CEP57L1: variants seen among roughly 807,000 people sequenced by gnomAD.
CEP57L1 encodes the protein centrosomal protein 57 like 1.
A neutral mutation model predicts 61.0 loss-of-function variants in CEP57L1; 37 were observed. The ratio of observed to expected loss-of-function variants is 0.61; its 90% CI spans 0.47 to 0.80. CEP57L1 has a LOEUF of 0.80. Ranked by LOEUF, CEP57L1 falls within the 30% of genes least tolerant of loss-of-function variation. CEP57L1 has a pLI of 0.00. For synonymous variants in CEP57L1, 137 were observed against 162.3 expected (o/e 0.84, Z 1.19); for missense variants, 422 against 524.7 (o/e 0.80, Z 1.91).
intron 1 of CEP57L1, among the ~76,000 whole-genome samples, chr6:109,131,966 T>C (rs1350557686): frequency 2.0e-5 from 3 of 152,182 alleles, no homozygotes; most frequent in African/African-American, 7.2e-5. Flanking sequence ...CCCCTGTGGA[T>C]AATTTAAGGA....
Position 109,158,774 on chromosome 6 carries a change from T to C in CEP57L1, c.745-251T>C. On this transcript the variant is annotated intron_variant, in intron 7 of 10. Transcript: ENST00000517392. The stretch of plus-strand genomic sequence containing the variant: ...CCAACATTTGTTATTGTCACTGTTT[T>C]TTATTTTGGCCATTCTGATAGATGT... 5.5e-6 allele frequency: 3 copies of C among 541,662 alleles called. No individual in the cohort carries two copies. In the South Asian group the frequency reaches 5.6e-5, roughly 10 times the overall value. 33.6% of individuals were successfully genotyped at this position (541,662 alleles called of 1,614,324 possible).
At position 109,155,827 on chromosome 6, in the gene CEP57L1, T is replaced by G; in HGVS notation, c.694T>G (p.Ser232Ala). The change falls in exon 7 of 11, where the codon TCT becomes GCT. Residue 232 changes from serine (S) to alanine (A), a missense_variant. Physicochemically the swap from Ser to Ala is moderately conservative, Grantham distance 99. Transcript: ENST00000517392. ...TGLEISKIIM[S>A]SVSNLKHSKE... ...ACTTGAAATCAGTAAAATTATAATG[T>G]CTTCAGTTTCAAATCTAAAGCACTC... is the stretch of plus-strand genomic sequence containing the variant. 1 of 1,585,212 alleles carries G rather than the reference T, an allele frequency of 6.3e-7. No individual in the cohort carries two copies. The highest frequency in any genetic ancestry group is 8.6e-7 in the Non-Finnish European group (1 of 1,158,870).
intron 1 of CEP57L1, among the ~76,000 whole-genome samples, chr6:109,099,828 G>A (rs1782163055): frequency 1.3e-5 from 2 of 152,270 alleles, no homozygotes; most frequent in South Asian, 2.1e-4. Context: ...GATTACAGGC[G>A]TGAGCCACCG....
chr6:109,154,545 G>T (rs1773017476), intron 5 of CEP57L1, among the ~76,000 whole-genome samples: 2 of 152,012 alleles, frequency 1.3e-5, no homozygotes, highest in South Asian at 4.1e-4. Flanking sequence ...TACAATACAG[G>T]TTGGGTGTCC....
chr6:109,158,780 T>G (rs1025640477), intron 7 of CEP57L1: 2 of 547,964 alleles, frequency 3.6e-6, no homozygotes, highest in African/African-American at 1.9e-5. Flanking sequence ...GTTTTTTATT[T>G]TGGCCATTCT....
Position 109,169,351 on chromosome 6 carries a change from A to G in CEP57L1, c.*6381A>G, listed in dbSNP as rs1774301521. 1.3e-5 allele frequency among the ~76,000 whole-genome samples: 2 copies of G among 152,188 alleles called. No individual in the cohort carries two copies. Among genetic ancestry groups the G allele is most frequent in the African/African-American group, 4.8e-5 (2 of 41,468 alleles). On this transcript the variant is annotated 3_prime_UTR_variant, in exon 11 of 11. Transcript: ENST00000517392. ...AGCCCTAAATGTTTTTTAGGGAAGAAAAAGTTGGCTTTTAATAAGTATTCA... is the reference window on the plus strand; with the variant it reads ...AGCCCTAAATGTTTTTTAGGGAAGAGAAAGTTGGCTTTTAATAAGTATTCA...
chr6:109,118,488 G>A (rs1772569739), intron 1 of CEP57L1, among the ~76,000 whole-genome samples: 1 of 152,178 alleles, frequency 6.6e-6, no homozygotes, highest in South Asian at 2.1e-4. Context: ...AAAGTAAGGG[G>A]CTTAATGGTG....
At chr6:109,158,154 C>T (rs1361981575) in intron 7 of CEP57L1, 5 of 153,042 alleles carry the variant, frequency 3.3e-5, no homozygotes, top group Admixed American at 6.5e-5. Context: ...TGTGGTATTC[C>T]GCATTATGGA....
At chr6:109,096,090 C>A (rs565516433) in intron 1 of CEP57L1, among the ~76,000 whole-genome samples, 5 of 152,198 alleles carry the variant, frequency 3.3e-5, no homozygotes, top group African/African-American at 1.2e-4. Context: ...AAAGCAAAAC[C>A]GTAAAAGTCT....
chr6:109,128,482 A>G (rs1773823806), intron 1 of CEP57L1, among the ~76,000 whole-genome samples: 1 of 152,064 alleles, frequency 6.6e-6, no homozygotes, highest in South Asian at 2.1e-4. Flanking sequence ...GTAACCTCTT[A>G]ATTTGTCCAT....
chr6:109,097,386 C>T lies in CEP57L1; in HGVS notation c.-4+1811C>T, dbSNP rs571492548. On this transcript the variant is annotated intron_variant, in intron 1 of 10. Coordinates refer to ENST00000517392, the MANE Select transcript of CEP57L1 (RefSeq NM_001271852.3). Reference sequence around the variant, plus strand: ...AGATTTTCTCTTGGTTAAAACTATTCAGTGGTGTCCTACTACTGTTAAAGA... The same window carrying T: ...AGATTTTCTCTTGGTTAAAACTATTTAGTGGTGTCCTACTACTGTTAAAGA... Among the ~76,000 whole-genome samples the T allele has an allele frequency of 1.2e-3, 186 of 152,292 alleles. 1 individual carries two copies. Among genetic ancestry groups the T allele is most frequent in the Non-Finnish European group, 2.3e-3 (154 of 68,030 alleles).
rs1362003060 is a variant in CEP57L1 at position 109,169,299 on chromosome 6, G to T, written c.*6329G>T. The stretch of plus-strand genomic sequence containing the variant: ...GGTAGCTTATGTTTTGTGAAACTTT[G>T]TGAGTACGGGTTGTCATTTTTAATG... On this transcript the variant is annotated 3_prime_UTR_variant, in exon 11 of 11. Coordinates refer to ENST00000517392, the MANE Select transcript of CEP57L1 (RefSeq NM_001271852.3). Among the ~76,000 whole-genome samples, 1 of 148,916 alleles carries T rather than the reference G, an allele frequency of 6.7e-6. No individual in the cohort carries two copies. The highest frequency in any genetic ancestry group is 1.5e-5 in the Non-Finnish European group (1 of 67,182).
chr6:109,101,086 G>A (rs564853643), intron 1 of CEP57L1, among the ~76,000 whole-genome samples: 14 of 152,314 alleles, frequency 9.2e-5, no homozygotes, highest in Admixed American at 3.9e-4. Flanking sequence ...CAGTCTGGGC[G>A]ACAGAGTATG....
chr6:109,159,149 T>G (rs1261104417), intron 8 of CEP57L1, 47 bp downstream of exon 8: 4 of 1,613,744 alleles, frequency 2.5e-6, no homozygotes, highest in Non-Finnish European at 2.5e-6. Context: ...AACTCCTGTT[T>G]TGTTGTAAGT....
intron 3 of CEP57L1, 91 bp from the exon 4 acceptor site, chr6:109,150,027 A>G (rs1042793790): frequency 3.9e-5 from 27 of 684,186 alleles, no homozygotes; most frequent in African/African-American, 1.1e-4. Flanking sequence ...GGGCTGAGAC[A>G]ATGGGGTTTT....
At chr6:109,100,018 C>T (rs573737288) in intron 1 of CEP57L1, among the ~76,000 whole-genome samples, 34 of 152,342 alleles carry the variant, frequency 2.2e-4, no homozygotes, top group African/African-American at 7.2e-4. Flanking sequence ...AAATACTCTT[C>T]TTGTAAATAG....
Position 109,163,006 on chromosome 6 carries a change from C to A in CEP57L1, c.*36C>A. 2 of 1,313,774 alleles carry A rather than the reference C, an allele frequency of 1.5e-6. No homozygotes were observed. Among genetic ancestry groups the A allele is most frequent in the South Asian group, 1.2e-5 (1 of 82,658 alleles). The allele number at this position is 1,313,774 out of a possible 1,614,324, so 81.4% of individuals were successfully genotyped here. ...AAACTGTCACCTTAATGAACTTTGT[C>A]AGTGAGACCTTGAATTGTCTAAAGT... On this transcript the variant is annotated 3_prime_UTR_variant, in exon 11 of 11. Coordinates refer to ENST00000517392, the MANE Select transcript of CEP57L1 (RefSeq NM_001271852.3).
intron 1 of CEP57L1, among the ~76,000 whole-genome samples, chr6:109,134,937 T>C (rs1253942154): frequency 1.3e-5 from 2 of 152,154 alleles, no homozygotes; most frequent in African/African-American, 4.8e-5. Context: ...TGGAAGAACA[T>C]TCCATGCTCA....
Position 109,169,847 on chromosome 6 carries a change from G to T in CEP57L1, c.*6877G>T, listed in dbSNP as rs533136307. ...TATTTGACAAACCCTATTTTTCCGA[G>T]CATCAACAGTCAGTGGCACCATGAA... On this transcript the variant is annotated 3_prime_UTR_variant, in exon 11 of 11. Coordinates refer to ENST00000517392, the MANE Select transcript of CEP57L1 (RefSeq NM_001271852.3). Among the ~76,000 whole-genome samples the T allele has an allele frequency of 6.6e-6, 1 of 152,226 alleles. No homozygotes were observed. The highest frequency in any genetic ancestry group is 6.5e-5 in the Admixed American group (1 of 15,286).
Sources: allele counts gnomAD v4.1 joint callset (sites outside exome capture counted in the v4.1 genomes callset), GRCh38; gene constraint gnomAD v4.1.1; transcripts MANE v1.5; gene names NCBI Gene and HGNC (gene_info 2026-07-23, HGNC 2026-07-21).